Variants in PRICKLE2 observed in about 807,000 individuals in gnomAD.
The protein encoded by PRICKLE2 is prickle planar cell polarity protein 2.
PRICKLE2 carries 21 observed loss-of-function variants against 81.4 expected under a neutral mutation model. The ratio of observed to expected loss-of-function variants is 0.26; its 90% CI spans 0.18 to 0.37. The LOEUF (loss-of-function observed/expected upper bound fraction) is 0.37, where lower values mean the gene tolerates loss of function less well. Ranked by LOEUF, PRICKLE2 falls within the 10% of genes least tolerant of loss-of-function variation. The pLI, the probability that PRICKLE2 is intolerant of heterozygous loss-of-function variation, is 1.00. For missense variants in PRICKLE2, 940 were observed against 1,109.0 expected (o/e 0.85, Z 2.16); for synonymous variants, 456 against 421.5 (o/e 1.08, Z -1.00).
chr3:64,213,507 A>G (rs2078825057), intron 1 of PRICKLE2, among the ~76,000 whole-genome samples: 1 of 152,208 alleles, frequency 6.6e-6, no homozygotes, highest in African/African-American at 2.4e-5. Context: ...TGAATTGCCA[A>G]TAATCTCTAC....
At chr3:64,108,725 T>G (rs1022722115) in intron 7 of PRICKLE2, among the ~76,000 whole-genome samples, 1 of 152,140 alleles carries the variant, frequency 6.6e-6, no homozygotes, top group African/African-American at 2.4e-5. Flanking sequence ...ACCAAGATGA[T>G]GGGAGTTTCA....
In PRICKLE2 at chr3:64,147,697, C is replaced by T. The variant is rs1312810720; in HGVS notation, c.793G>A (p.Asp265Asn). 28 of 1,613,554 alleles carry T rather than the reference C, an allele frequency of 1.7e-5. No individual in the cohort carries two copies. The highest frequency in any genetic ancestry group is 2.3e-5 in the Non-Finnish European group (27 of 1,180,018). ...CDTCAQHIGI[D>N]QGQMTYDGQH... is the part of the protein sequence containing the mutation. Reference sequence around the variant, plus strand: ...CCATCATAGGTCATTTGACCTTGGTCGATACCTAAAAAAATGAGAGACATT... The same window carrying T: ...CCATCATAGGTCATTTGACCTTGGTTGATACCTAAAAAAATGAGAGACATT... Residue 265 changes from aspartate (D) to asparagine (N), a missense_variant, in exon 7 of 8, where the codon GAC becomes AAC. Asp to Asn is a conservative substitution (Grantham distance 23, BLOSUM62 1). This residue lies in a region of PRICKLE2 where 270 missense variants were observed against 391.8 expected (regional missense o/e 0.69). Coordinates refer to ENST00000638394, the MANE Select transcript of PRICKLE2 (RefSeq NM_198859.4). This position sits in a 1 kb window ranked among gnomAD's most constrained non-coding sequence, Gnocchi z 5.0.
At chr3:64,138,344 G>C (rs959295184) in intron 7 of PRICKLE2, among the ~76,000 whole-genome samples, 3 of 152,212 alleles carry the variant, frequency 2.0e-5, no homozygotes, top group Non-Finnish European at 4.4e-5. Context: ...TTTAAGAATT[G>C]TTGGATGACC....
chr3:64,115,255 T>C (rs546482575), intron 7 of PRICKLE2, among the ~76,000 whole-genome samples: 2 of 152,304 alleles, frequency 1.3e-5, no homozygotes, highest in South Asian at 4.1e-4. Context: ...CACACTGAAG[T>C]ACCCAGACCA....
intron 7 of PRICKLE2, among the ~76,000 whole-genome samples, chr3:64,118,687 C>T (rs1438096727): frequency 2.0e-5 from 3 of 150,666 alleles, no homozygotes; most frequent in Non-Finnish European, 3.0e-5. Flanking sequence ...ACTAAAAAGG[C>T]AAAAAATTAC....
chr3:64,104,030 G>A (rs1226907084), intron 7 of PRICKLE2, among the ~76,000 whole-genome samples: 2 of 152,022 alleles, frequency 1.3e-5, no homozygotes, highest in African/African-American at 4.8e-5. Context: ...TTTGTTAAAG[G>A]GTCAAATTTT....
chr3:64,181,992 T>C (rs868373372), intron 2 of PRICKLE2, among the ~76,000 whole-genome samples: 1 of 152,078 alleles, frequency 6.6e-6, no homozygotes, highest in African/African-American at 2.4e-5. Flanking sequence ...TGGAGCTTTG[T>C]TAAAAGTGAT....
chr3:64,180,358 G>A (rs2078107194), intron 2 of PRICKLE2, among the ~76,000 whole-genome samples: 1 of 151,980 alleles, frequency 6.6e-6, no homozygotes, highest in South Asian at 2.1e-4. Flanking sequence ...CCACTTTTCA[G>A]CAGCATTAAA....
chr3:64,141,145 G>A (rs1287538690), intron 7 of PRICKLE2, among the ~76,000 whole-genome samples: 1 of 152,168 alleles, frequency 6.6e-6, no homozygotes, highest in African/African-American at 2.4e-5. Context: ...ATAGCCAGTG[G>A]TCTATTATGA....
At chr3:64,189,734 T>C (rs975372684) in intron 2 of PRICKLE2, among the ~76,000 whole-genome samples, 1 of 152,194 alleles carries the variant, frequency 6.6e-6, no homozygotes, top group African/African-American at 2.4e-5. Flanking sequence ...GAGTGGTGAA[T>C]AAGACAATGT....
At position 64,219,841 on chromosome 3, in the gene PRICKLE2, C is replaced by T. The variant is rs185275571; in HGVS notation, c.-41+5069G>A. Among the ~76,000 whole-genome samples the T allele has an allele frequency of 7.2e-3, 1,098 of 152,326 alleles. 8 individuals are homozygous for T. The highest frequency in any genetic ancestry group is 9.7e-3 in the South Asian group (47 of 4,826). On this transcript the variant is annotated intron_variant, in intron 1 of 7. Transcript: ENST00000638394. ...GTTCGAATCCCAGCATTACTCTTTACTCTCTGTGTAAGCTTGAACGAGTTA... is the reference window on the plus strand; with the variant it reads ...GTTCGAATCCCAGCATTACTCTTTATTCTCTGTGTAAGCTTGAACGAGTTA...
At chr3:64,210,283 A>C (rs1436255559) in intron 1 of PRICKLE2, among the ~76,000 whole-genome samples, 1 of 152,104 alleles carries the variant, frequency 6.6e-6, no homozygotes, top group Non-Finnish European at 1.5e-5. Context: ...CCCTGCCCCT[A>C]GCCACAATAC....
At chr3:64,144,615 G>T (rs1042338449) in intron 7 of PRICKLE2, among the ~76,000 whole-genome samples, 2 of 152,174 alleles carry the variant, frequency 1.3e-5, no homozygotes, top group Non-Finnish European at 2.9e-5. Flanking sequence ...CCCTCCTCTG[G>T]TACCTTGCCC....
At chr3:64,225,913 C>T (rs1455694760), upstream of PRICKLE2, among the ~76,000 whole-genome samples, 1 of 151,152 alleles carries the variant, frequency 6.6e-6, no homozygotes, top group Non-Finnish European at 1.5e-5. Context: ...CTTCTCTCTT[C>T]AACTTTCATT....
intron 2 of PRICKLE2, among the ~76,000 whole-genome samples, chr3:64,262,769 G>A (rs1296907176): frequency 6.6e-6 from 1 of 152,154 alleles, no homozygotes; most frequent in East Asian, 1.9e-4. Flanking sequence ...GACAGGCAGA[G>A]GGTGACCTTG....
At chr3:64,256,102 G>A (rs1470676610) in intron 2 of PRICKLE2, among the ~76,000 whole-genome samples, 1 of 152,140 alleles carries the variant, frequency 6.6e-6, no homozygotes, top group Admixed American at 6.5e-5. Flanking sequence ...ATGCCACTAT[G>A]GAGGTTTTCA....
At chr3:64,136,768 GAAGGTC>G (rs1038583843) in intron 7 of PRICKLE2, among the ~76,000 whole-genome samples, 28 of 152,214 alleles carry the variant, frequency 1.8e-4, no homozygotes, top group African/African-American at 6.5e-4. Context: ...GTCAAGGTAG[GAAGGTC>G]AAGGTCAAGT....
intron 2 of PRICKLE2, among the ~76,000 whole-genome samples, chr3:64,172,081 A>G (rs1021572695): frequency 1.3e-5 from 2 of 152,214 alleles, no homozygotes; most frequent in Non-Finnish European, 2.9e-5. Flanking sequence ...TATTTTATTT[A>G]GAATATTAAA....
Position 64,157,367 on chromosome 3 carries a change from T to C in PRICKLE2, c.397-2A>G. 6.2e-7 allele frequency: 1 copy of C among 1,612,756 alleles called. No homozygotes were observed. The highest frequency in any genetic ancestry group is 8.5e-7 in the Non-Finnish European group (1 of 1,179,924). On this transcript the variant is annotated splice_acceptor_variant, in intron 4 of 7. Coordinates refer to ENST00000638394, the MANE Select transcript of PRICKLE2 (RefSeq NM_198859.4). LOFTEE classifies it high-confidence loss of function. ...TCCACCATTGATCTGGCCTCCGCAC[T>C]GTGAGGCAAACAGAAACATCAGTAG... is the stretch of plus-strand genomic sequence containing the variant.
Sources: allele counts gnomAD v4.1 joint callset (sites outside exome capture counted in the v4.1 genomes callset), GRCh38; gene constraint gnomAD v4.1.1; regional missense constraint gnomAD v4.1.1; non-coding constraint Gnocchi (gnomAD v3.1); transcripts MANE v1.5; gene names NCBI Gene and HGNC (gene_info 2026-07-23, HGNC 2026-07-21).